Variants in CLIC4 observed in about 807,000 individuals in gnomAD.
CLIC4 encodes the protein CLIC family member 4, also known as chloride intracellular channel protein 4.
CLIC4 carries 13 observed loss-of-function variants against 24.6 expected under a neutral mutation model. The ratio of observed to expected loss-of-function variants is 0.53; its 90% CI spans 0.34 to 0.84. The LOEUF (loss-of-function observed/expected upper bound fraction) is 0.84. CLIC4 is among the 40% of genes least tolerant of loss of function. The pLI is 0.01. For synonymous variants in CLIC4, 104 were observed against 111.3 expected, an observed-to-expected ratio of 0.93 and a Z score of 0.41; for missense variants, 227 against 301.7, an observed-to-expected ratio of 0.75 and a Z score of 1.83.
intron 2 of CLIC4, among the ~76,000 whole-genome samples, chr1:24,811,933 G>C (rs1639619370): frequency 6.6e-6 from 1 of 152,210 alleles, no homozygotes; most frequent in Admixed American, 6.5e-5. Context: ...TAACAAGATA[G>C]TACAAACACT....
chr1:24,795,705 G>C (rs1372610418), intron 1 of CLIC4, among the ~76,000 whole-genome samples: 2 of 152,160 alleles, frequency 1.3e-5, no homozygotes, highest in Non-Finnish European at 2.9e-5. Context: ...CGGGTAGCTG[G>C]GATATAGGCA....
At chr1:24,820,823 A>T (rs1639722751) in intron 3 of CLIC4, among the ~76,000 whole-genome samples, 1 of 152,220 alleles carries the variant, frequency 6.6e-6, no homozygotes, top group African/African-American at 2.4e-5. Flanking sequence ...TGCTGAAAAC[A>T]TACATATGAC....
At chr1:24,781,068 C>T (rs1036172823) in intron 1 of CLIC4, among the ~76,000 whole-genome samples, 1 of 83,500 alleles carries the variant, frequency 1.2e-5, no homozygotes, top group African/African-American at 4.7e-5. Context: ...GCCTCGGCAA[C>T]AAGAGTGAAA....
intron 2 of CLIC4, among the ~76,000 whole-genome samples, chr1:24,812,160 G>C (rs1022697514): frequency 1.3e-5 from 2 of 151,968 alleles, no homozygotes; most frequent in African/African-American, 4.8e-5. Flanking sequence ...TTTTTTTGAT[G>C]ACCTTTGGAA....
intron 2 of CLIC4, among the ~76,000 whole-genome samples, chr1:24,804,513 A>T (rs1309146786): frequency 7.1e-5 from 3 of 42,210 alleles, no homozygotes; most frequent in African/African-American, 2.3e-4. Flanking sequence ...GTGTGTGTGT[A>T]TGTGGGTGGG....
At chr1:24,797,325 G>T (rs1288023910) in intron 1 of CLIC4, among the ~76,000 whole-genome samples, 1 of 151,648 alleles carries the variant, frequency 6.6e-6, no homozygotes, top group Non-Finnish European at 1.5e-5. Context: ...TGTAATCCCA[G>T]CACTTTAGGA....
intron 1 of CLIC4, among the ~76,000 whole-genome samples, chr1:24,752,760 G>T (rs1638792331): frequency 6.6e-6 from 1 of 152,120 alleles, no homozygotes; most frequent in Non-Finnish European, 1.5e-5. Context: ...GTCTCGCTCT[G>T]TCGCCAGACT....
At chr1:24,786,564 C>A (rs1344971091) in intron 1 of CLIC4, among the ~76,000 whole-genome samples, 1 of 152,146 alleles carries the variant, frequency 6.6e-6, no homozygotes, top group Non-Finnish European at 1.5e-5. Context: ...TTATTTCTGT[C>A]AGTGGGATTA....
At chr1:24,788,304 T>A (rs1639294350) in intron 1 of CLIC4, among the ~76,000 whole-genome samples, 1 of 152,182 alleles carries the variant, frequency 6.6e-6, no homozygotes, top group East Asian at 1.9e-4. Context: ...GGTTCTAATT[T>A]TAAAACATTT....
At chr1:24,745,964 G>C (rs1196339123) in intron 1 of CLIC4, among the ~76,000 whole-genome samples, 1 of 150,346 alleles carries the variant, frequency 6.7e-6, no homozygotes, top group Non-Finnish European at 1.5e-5. Flanking sequence ...GGCGCGCGCG[G>C]GTCCTGTCAC....
chr1:24,800,343 T>TG (rs1380230717), intron 2 of CLIC4, among the ~76,000 whole-genome samples: 14 of 75,326 alleles, frequency 1.9e-4, no homozygotes, highest in Admixed American at 4.8e-4. Context: ...GGGAGGGAGG[T>TG]GGGGGGGTCA....
Position 24,840,821 on chromosome 1 carries a change from G to A in CLIC4, c.646G>A (p.Gly216Ser). ...CTTTGATATTCCAAAAGAAATGACT[G>A]GCATCTGGAGATACCTAACTAATGC... is the stretch of plus-strand genomic sequence containing the variant. ...RNFDIPKEMT[G>S]IWRYLTNAYS... The change falls in exon 6 of 6, where the codon GGC becomes AGC. Residue 216 changes from glycine (G) to serine (S), a missense_variant. Physicochemically the swap from Gly to Ser is moderately conservative, Grantham distance 56. Coordinates refer to ENST00000374379, the MANE Select transcript of CLIC4 (RefSeq NM_013943.3). The A allele has an allele frequency of 6.2e-7, 1 of 1,609,416 alleles. No homozygotes were observed. The highest frequency in any genetic ancestry group is 8.5e-7 in the Non-Finnish European group (1 of 1,178,000).
intron 1 of CLIC4, among the ~76,000 whole-genome samples, chr1:24,764,358 C>A (rs1557796568): frequency 6.6e-6 from 1 of 151,620 alleles, no homozygotes; most frequent in Non-Finnish European, 1.5e-5. Flanking sequence ...CCTTGGCCTC[C>A]CGAAGTGCTG....
chr1:24,824,998 A>T lies in CLIC4; in HGVS notation c.309-2012A>T, dbSNP rs1269546178. On this transcript the variant is annotated intron_variant, in intron 3 of 5. Transcript: ENST00000374379. ...CTGGGTGACAGAGGGAGACCCTGTC[A>T]CACACACACACACACACACACACAC... 5.6e-3 allele frequency among the ~76,000 whole-genome samples: 297 copies of T among 53,058 alleles called. 1 individual carries two copies. Among genetic ancestry groups the T allele is most frequent in the African/African-American group, 0.03 (259 of 8,734 alleles). 34.8% of individuals were successfully genotyped at this position (53,058 alleles called of 152,430 possible).
At chr1:24,830,247 TTC>T (rs1301352380) in intron 4 of CLIC4, among the ~76,000 whole-genome samples, 3 of 152,214 alleles carry the variant, frequency 2.0e-5, no homozygotes, top group Non-Finnish European at 2.9e-5. Flanking sequence ...CAATTTAGTG[TTC>T]TTTTTTCTAT....
At chr1:24,757,966 C>T (rs527823140) in intron 1 of CLIC4, among the ~76,000 whole-genome samples, 1 of 151,794 alleles carries the variant, frequency 6.6e-6, no homozygotes, top group Admixed American at 6.6e-5. Context: ...TCAGTGTTGC[C>T]CAGGCTGGTC....
chr1:24,782,169 A>G (rs939958930), intron 1 of CLIC4, among the ~76,000 whole-genome samples: 1 of 152,232 alleles, frequency 6.6e-6, no homozygotes, highest in African/African-American at 2.4e-5. Flanking sequence ...CATCAAATGT[A>G]CTGTTATAAG....
At chr1:24,793,162 T>G (rs1001916907) in intron 1 of CLIC4, 24 of 151,498 alleles carry the variant, frequency 1.6e-4, no homozygotes, top group Admixed American at 3.3e-4. Flanking sequence ...ACTGTTGTTT[T>G]TTTTTTTTTT....
chr1:24,775,533 TTTTC>T (rs1022950575), intron 1 of CLIC4, among the ~76,000 whole-genome samples: 21 of 151,262 alleles, frequency 1.4e-4, no homozygotes, highest in East Asian at 6.2e-4. Context: ...TCTCTCTCTC[TTTTC>T]TTTCTTTCTT....
Sources: allele counts gnomAD v4.1 joint callset (sites outside exome capture counted in the v4.1 genomes callset), GRCh38; gene constraint gnomAD v4.1.1; transcripts MANE v1.5; gene names NCBI Gene and HGNC (gene_info 2026-07-23, HGNC 2026-07-21).